NELL1: variants seen among roughly 807,000 people sequenced by gnomAD.
NELL1 encodes the protein protein kinase C-binding protein NELL1.
A neutral mutation model predicts 107.4 loss-of-function variants in NELL1; 76 were observed. The observed-to-expected ratio is 0.71, with a 90% CI of 0.59 to 0.86. The LOEUF (loss-of-function observed/expected upper bound fraction) is 0.86. Among genes scored for constraint, NELL1 ranks in the 40% least tolerant of loss-of-function variants. The pLI is 0.00. For missense variants in NELL1, 1,024 were observed against 1,005.5 expected, an observed-to-expected ratio of 1.02 and a Z score of -0.25; for synonymous variants, 353 against 341.2, an observed-to-expected ratio of 1.03 and a Z score of -0.38.
intron 2 of NELL1, among the ~76,000 whole-genome samples, chr11:20,731,040 T>A (rs1279325239): frequency 2.6e-5 from 4 of 152,168 alleles, no homozygotes; most frequent in Non-Finnish European, 5.9e-5. Context: ...TTTCCTGGTG[T>A]CCAGAAGCCA....
intron 14 of NELL1, among the ~76,000 whole-genome samples, chr11:21,264,532 G>A (rs1848600127): frequency 6.6e-6 from 1 of 151,838 alleles, no homozygotes; most frequent in Admixed American, 6.6e-5. Context: ...ATTGACCAGG[G>A]CTAAACTACT....
intron 2 of NELL1, among the ~76,000 whole-genome samples, chr11:20,682,389 C>CT (rs1256233943): frequency 3.3e-5 from 5 of 150,620 alleles, no homozygotes; most frequent in Admixed American, 2.7e-4. Flanking sequence ...AGATATTTTA[C>CT]TTTTTTTAAA....
intron 12 of NELL1, among the ~76,000 whole-genome samples, chr11:21,053,795 G>T (rs1853552811): frequency 6.6e-6 from 1 of 152,050 alleles, no homozygotes; most frequent in Non-Finnish European, 1.5e-5. Flanking sequence ...GCTTTTCTTT[G>T]TATATGTGTC....
chr11:21,094,325 A>C (rs1373991764), intron 12 of NELL1, among the ~76,000 whole-genome samples: 1 of 152,200 alleles, frequency 6.6e-6, no homozygotes, highest in Non-Finnish European at 1.5e-5. Flanking sequence ...TGCAGGGTAC[A>C]GCCTCCCTCC....
intron 12 of NELL1, among the ~76,000 whole-genome samples, chr11:21,070,753 A>G (rs1853992164): frequency 6.6e-6 from 1 of 152,174 alleles, no homozygotes; most frequent in South Asian, 2.1e-4. Context: ...AGCAACCATG[A>G]CATTCAAGTT....
At chr11:21,103,649 C>T (rs1411244395) in intron 12 of NELL1, among the ~76,000 whole-genome samples, 1 of 152,154 alleles carries the variant, frequency 6.6e-6, no homozygotes, top group East Asian at 1.9e-4. Context: ...ATATAGACAG[C>T]TTTGCTGGTA....
intron 12 of NELL1, among the ~76,000 whole-genome samples, chr11:21,063,537 A>G (rs1192138417): frequency 2.0e-5 from 3 of 152,208 alleles, no homozygotes; most frequent in Non-Finnish European, 2.9e-5. Context: ...TTTCATTAGC[A>G]TAAACACATG....
At chr11:21,225,188 A>G (rs1453986) in intron 13 of NELL1, among the ~76,000 whole-genome samples, 7,007 of 152,204 alleles carry the variant, frequency 0.046, 520 homozygotes, top group African/African-American at 0.16. Context: ...GATCCTATGA[A>G]TGGATACATT....
intron 3 of NELL1, among the ~76,000 whole-genome samples, chr11:20,832,623 CA>C (rs1203641934): frequency 6.6e-6 from 1 of 152,126 alleles, no homozygotes; most frequent in East Asian, 1.9e-4. Flanking sequence ...GGTGATACAT[CA>C]AACTGCCTTG....
chr11:21,329,377 C>A (rs540743589), intron 14 of NELL1, among the ~76,000 whole-genome samples: 15 of 152,110 alleles, frequency 9.9e-5, no homozygotes, highest in Non-Finnish European at 2.2e-4. Context: ...TTTCATGAGA[C>A]CTCCCTAATC....
intron 14 of NELL1, among the ~76,000 whole-genome samples, chr11:21,332,784 A>C (rs906886454): frequency 3.3e-5 from 5 of 151,954 alleles, no homozygotes; most frequent in Non-Finnish European, 7.4e-5. Context: ...TAATTTTTAT[A>C]TAACTGAAAT....
chr11:21,056,323 G>A (rs576266775), intron 12 of NELL1, among the ~76,000 whole-genome samples: 1 of 152,252 alleles, frequency 6.6e-6, no homozygotes, highest in South Asian at 2.1e-4. Flanking sequence ...TACCTTATTT[G>A]CTAACTTTTA....
In NELL1 at chr11:20,936,892, C is replaced by T. The variant is rs199549812; in HGVS notation, c.998-894C>T. 5.3e-5 allele frequency among the ~76,000 whole-genome samples: 8 copies of T among 152,166 alleles called. No individual in the cohort carries two copies. The East Asian group carries it at 1.5e-3, about 29-fold the overall frequency. On this transcript the variant is annotated intron_variant, in intron 9 of 19. Transcript: ENST00000357134. ...AGGTGAGGTGGTTCTATAAGACCAA[C>T]ACCGAATTAGTGGGTGAGATCTCTT... is the stretch of plus-strand genomic sequence containing the variant.
chr11:21,506,551 G>T (rs1855283347), intron 15 of NELL1, among the ~76,000 whole-genome samples: 1 of 152,126 alleles, frequency 6.6e-6, no homozygotes, highest in Non-Finnish European at 1.5e-5. Flanking sequence ...TGTGACTTGG[G>T]GCTTCAGTTT....
intron 14 of NELL1, among the ~76,000 whole-genome samples, chr11:21,280,798 A>G (rs1848974279): frequency 1.3e-5 from 2 of 152,178 alleles, no homozygotes; most frequent in Non-Finnish European, 2.9e-5. Context: ...TTAAGTAACA[A>G]TTTTAAGTTT....
At chr11:21,052,295 T>C (rs946891895) in intron 12 of NELL1, among the ~76,000 whole-genome samples, 2 of 151,992 alleles carry the variant, frequency 1.3e-5, no homozygotes, top group African/African-American at 4.8e-5. Context: ...TTGGGTGAAG[T>C]TGGGACCACA....
At position 21,570,784 on chromosome 11, in the gene NELL1, A is replaced by G; in HGVS notation, c.2001A>G (p.Arg667=). The G allele has an allele frequency of 6.2e-7, 1 of 1,611,542 alleles. No individual in the cohort carries two copies. The highest frequency in any genetic ancestry group is 8.5e-7 in the Non-Finnish European group (1 of 1,178,492). Residue 667 remains arginine, a synonymous_variant, in exon 18 of 20, where the codon CGA becomes CGG. Transcript: ENST00000357134. ...AACAGGATGGCAAGATATTCTGCCG[A>G]CGGACAGCTTGTGATTGCCAGAATC... The part of the protein sequence containing the change: ...CSCKDGKIFC[R]RTACDCQNPS...
intron 2 of NELL1, among the ~76,000 whole-genome samples, chr11:20,685,449 T>A (rs950253371): frequency 6.6e-6 from 1 of 152,072 alleles, no homozygotes; most frequent in African/African-American, 2.4e-5. Context: ...TGCTCAGAAA[T>A]TTTACTGTTT....
At chr11:21,478,816 T>C (rs1254609893) in intron 15 of NELL1, among the ~76,000 whole-genome samples, 1 of 142,962 alleles carries the variant, frequency 7.0e-6, no homozygotes, top group East Asian at 2.1e-4. Flanking sequence ...AAATAGAATA[T>C]ATAGGAGCTC....
Sources: gnomAD v4.1 joint callset for allele counts (sites outside exome capture counted in the v4.1 genomes callset) on GRCh38, gnomAD v4.1.1 for gene constraint, MANE v1.5 for transcripts, NCBI Gene and HGNC (gene_info 2026-07-23, HGNC 2026-07-21) for gene names.